The following AACS variants were observed in gnomAD, a reference collection of about 807,000 sequenced individuals.
AACS encodes acetoacetyl-CoA synthetase.
A neutral mutation model predicts 83.1 loss-of-function variants in AACS; 69 were observed. That is an observed-to-expected ratio of 0.83 (90% confidence interval 0.68 to 1.01). The LOEUF (loss-of-function observed/expected upper bound fraction) is 1.01, where lower values mean the gene tolerates loss of function less well. AACS is among the 50% of genes least tolerant of loss of function. The pLI is 0.00. For missense variants in AACS, 866 were observed against 882.2 expected (o/e 0.98, Z 0.23); for synonymous variants, 333 against 343.4 (o/e 0.97, Z 0.33).
intron 5 of AACS, chr12:125,102,068 T>TTAAAAAA (rs534667091): frequency 7.0e-6 from 1 of 142,910 alleles, no homozygotes; most frequent in African/African-American, 2.7e-5. Context: ...CTTGCCTTTT[T>TTAAAAAA]AAAAAAAAAA....
chr12:125,087,975 G>A (rs1034314216), intron 4 of AACS, among the ~76,000 whole-genome samples: 1 of 152,146 alleles, frequency 6.6e-6, no homozygotes, highest in East Asian at 1.9e-4. Context: ...CTCAGAGGCC[G>A]TTCCTGGTTA....
chr12:125,084,452 G>A (rs1229231171), intron 3 of AACS, among the ~76,000 whole-genome samples: 5 of 151,662 alleles, frequency 3.3e-5, no homozygotes, highest in Admixed American at 2.0e-4. Context: ...TGCTCAGGCT[G>A]GAGTGCAGTG....
intron 5 of AACS, chr12:125,102,355 G>A (rs370128789): frequency 4.8e-5 from 13 of 272,946 alleles, no homozygotes; most frequent in African/African-American, 6.7e-5. Context: ...CGGCCTCATC[G>A]ACTTTCTTTA....
Position 125,142,203 on chromosome 12 carries a change from G to A in AACS, c.1993G>A (p.Asp665Asn). The change falls in exon 18 of 18, where the codon GAC becomes AAC. Residue 665 changes from aspartate to asparagine, a missense_variant. Transcript: ENST00000316519. ...SNPETLDLYR[D>N]IPELQGF ...CCCCGAGACCCTGGATCTGTACCGG[G>A]ACATCCCTGAGCTGCAGGGCTTCTG... 6.2e-7 allele frequency: 1 copy of A among 1,614,130 alleles called. No individual in the cohort carries two copies. The highest frequency in any genetic ancestry group is 1.6e-4 in the Middle Eastern group (1 of 6,062).
rs572932134 is a variant in AACS, at chr12:125,094,302, C to T, written c.570+2779C>T. ...GCGCTCTTCAGAAACTGCAATGAAG[C>T]GTGAATGTCTTCCCTTTGGAATCAT... On this transcript the variant is annotated intron_variant, in intron 5 of 17. Transcript: ENST00000316519. This position sits in a 1 kb window ranked among gnomAD's most constrained non-coding sequence, Gnocchi z 4.1. 2.0e-5 allele frequency among the ~76,000 whole-genome samples: 3 copies of T among 152,330 alleles called. No homozygotes were observed. The highest frequency in any genetic ancestry group is 1.9e-4 in the East Asian group (1 of 5,192).
intron 7 of AACS, 152 bp from the exon 8 acceptor site, chr12:125,106,969 G>A: frequency 9.6e-7 from 1 of 1,047,084 alleles, no homozygotes; most frequent in Non-Finnish European, 1.4e-6. Context: ...GCCTCCCCTG[G>A]TCCCAGGAAG....
At chr12:125,109,637 C>T (rs1034920182) in intron 8 of AACS, among the ~76,000 whole-genome samples, 2 of 151,766 alleles carry the variant, frequency 1.3e-5, no homozygotes, top group African/African-American at 2.4e-5. Flanking sequence ...GGAAGGTTGG[C>T]GTTGGTGCAG....
At chr12:125,086,921 G>T (rs1236923320) in intron 4 of AACS, among the ~76,000 whole-genome samples, 1 of 152,054 alleles carries the variant, frequency 6.6e-6, no homozygotes, top group Non-Finnish European at 1.5e-5. Context: ...GCAGGAAAGG[G>T]CAGTCTGGGC....
rs771008667 is a variant in AACS at position 125,114,524 on chromosome 12, G to A, written c.963G>A (p.Met321Ile). ...HLKEHLLHGN[M>I]TSSDILLCYT... ...AGGAGCACCTGCTGCACGGCAACAT[G>A]ACCAGCAGTGACATCCTCCTGTGCT... The change falls in exon 9 of 18, where the codon ATG becomes ATA. Residue 321 changes from methionine (M) to isoleucine (I), a missense_variant. Coordinates refer to ENST00000316519, the MANE Select transcript of AACS (RefSeq NM_023928.5). 1 of 1,613,428 alleles carries A rather than the reference G, an allele frequency of 6.2e-7. No homozygotes were observed. Among genetic ancestry groups the A allele is most frequent in the Non-Finnish European group, 8.5e-7 (1 of 1,179,756 alleles).
chr12:125,065,461 C>G lies in AACS; in HGVS notation c.-124C>G, dbSNP rs1459638633. 9.1e-7 allele frequency: 1 copy of G among 1,103,332 alleles called. No homozygotes were observed. Among genetic ancestry groups the G allele is most frequent in the African/African-American group, 1.7e-5 (1 of 59,990 alleles). The allele number at this position is 1,103,332 out of a possible 1,614,324, so 68.3% of individuals were successfully genotyped here. A position where few individuals can be genotyped will look rare whatever the true frequency, so the allele number is the denominator to read the frequency against. Reference sequence around the variant, plus strand: ...GTCCCTTGTTCCCCGCCGCCGCCGTCGCTGACCCAGCCCGCCAGGCGCTCC... The same window carrying G: ...GTCCCTTGTTCCCCGCCGCCGCCGTGGCTGACCCAGCCCGCCAGGCGCTCC... On this transcript the variant is annotated 5_prime_UTR_variant, in exon 1 of 18. Transcript: ENST00000316519.
chr12:125,066,607 G>T (rs1400722569), intron 1 of AACS, among the ~76,000 whole-genome samples: 2 of 151,792 alleles, frequency 1.3e-5, no homozygotes, highest in Admixed American at 6.6e-5. Flanking sequence ...ACACCACCAC[G>T]CCTGGCTAAT....
At chr12:125,095,287 A>G (rs2136081700) in intron 5 of AACS, among the ~76,000 whole-genome samples, 1 of 152,286 alleles carries the variant, frequency 6.6e-6, no homozygotes, top group East Asian at 1.9e-4. Flanking sequence ...CAGCTGTGTC[A>G]GAGGACCCCT....
At position 125,129,338 on chromosome 12, in the gene AACS, A is replaced by AGGCGGTCTGGGGAGAGAGC; in HGVS notation, c.1432_1450dup (p.Glu484GlyfsTer12). 6.2e-7 allele frequency: 1 copy of AGGCGGTCTGGGGAGAGAGC among 1,612,226 alleles called. No individual in the cohort carries two copies. Among genetic ancestry groups the AGGCGGTCTGGGGAGAGAGC allele is most frequent in the East Asian group, 2.2e-5 (1 of 44,824 alleles). ...ATTTTTAATTCTCCCATACCAGGAA[A>AGGCGGTCTGGGGAGAGAGC]GGCGGTCTGGGGAGAGAGCGGCGAG... is the stretch of plus-strand genomic sequence containing the variant. On this transcript the variant is annotated frameshift_variant, in exon 14 of 18. Coordinates refer to ENST00000316519, the MANE Select transcript of AACS (RefSeq NM_023928.5). LOFTEE classifies it high-confidence loss of function. This position sits in a 1 kb window ranked among gnomAD's most constrained non-coding sequence, Gnocchi z 4.3.
chr12:125,075,079 A>T (rs1451014930), intron 2 of AACS, among the ~76,000 whole-genome samples: 2 of 144,550 alleles, frequency 1.4e-5, no homozygotes, highest in Non-Finnish European at 3.0e-5. Context: ...GGTTCAAGTG[A>T]TTCTCCTGCC....
intron 4 of AACS, 190 bp from the exon 5 acceptor site, chr12:125,091,236 G>A (rs568525347): frequency 6.5e-6 from 4 of 618,068 alleles, no homozygotes; most frequent in African/African-American, 1.8e-5. Flanking sequence ...TGGATTGCAG[G>A]GGGATGGTGG....
intron 6 of AACS, 93 bp from the exon 7 acceptor site, chr12:125,102,907 G>A (rs911191535): frequency 6.9e-7 from 1 of 1,440,090 alleles, no homozygotes; most frequent in African/African-American, 1.4e-5. Flanking sequence ...TATATTCTCT[G>A]CCCCAGATTG....
rs1049043798 is a variant in AACS at position 125,107,182 on chromosome 12, G to A, written c.829G>A (p.Glu277Lys). ...TGAGCAGGCCCCGCAGCTGGAGTTC[G>A]AGCAGCTGCCCTTCAGCCACCCACT... ...TSEQAPQLEF[E>K]QLPFSHPLFI... Residue 277 changes from glutamate to lysine, a missense_variant, in exon 8 of 18, where the codon GAG (glutamate) becomes AAG (lysine). Physicochemically the swap from Glu to Lys is moderately conservative, Grantham distance 56 (BLOSUM62 1). Coordinates refer to ENST00000316519, the MANE Select transcript of AACS (RefSeq NM_023928.5). The A allele has an allele frequency of 5.6e-6, 9 of 1,613,990 alleles. No individual in the cohort carries two copies. The highest frequency in any genetic ancestry group is 3.3e-5 in the Admixed American group (2 of 59,992).
chr12:125,142,488 CTT>C lies in AACS; in HGVS notation c.*261_*262del. 4 of 502,348 alleles carry C rather than the reference CTT, an allele frequency of 8.0e-6. No individual in the cohort carries two copies. The South Asian group carries it at 9.9e-5, about 12-fold the overall frequency. The allele number at this position is 502,348 out of a possible 1,614,324, so 31.1% of individuals were successfully genotyped here. A position where few individuals can be genotyped will look rare whatever the true frequency, so the allele number is the denominator to read the frequency against. On this transcript the variant is annotated 3_prime_UTR_variant, in exon 18 of 18. Coordinates refer to ENST00000316519, the MANE Select transcript of AACS (RefSeq NM_023928.5). ...GTGGCACTGTGGTGAGAGTGTGTGT[CTT>C]TGCACACACAGTGCAGCGGGAACGG...
At chr12:125,089,328 A>G (rs1353787441) in intron 4 of AACS, among the ~76,000 whole-genome samples, 1 of 151,984 alleles carries the variant, frequency 6.6e-6, no homozygotes, top group Non-Finnish European at 1.5e-5. Flanking sequence ...CAGGGGGGAG[A>G]AGGAGGGAAA....
Sources: allele counts gnomAD v4.1 joint callset (sites outside exome capture counted in the v4.1 genomes callset), GRCh38; gene constraint gnomAD v4.1.1; non-coding constraint Gnocchi (gnomAD v3.1); transcripts MANE v1.5; gene names NCBI Gene and HGNC (gene_info 2026-07-23, HGNC 2026-07-21).